The following GRK3 variants were observed in gnomAD, a reference collection of about 807,000 sequenced individuals.
The protein encoded by GRK3 is G protein-coupled receptor kinase 3, also known as adrenergic, beta, receptor kinase 2.
In GRK3, 54 loss-of-function variants were observed where a neutral mutation model predicts 95.7. The observed-to-expected ratio is 0.56, with a 90% CI of 0.45 to 0.71. GRK3 has a LOEUF of 0.71. Among genes scored for constraint, GRK3 ranks in the 30% least tolerant of loss-of-function variants. The probability of loss-of-function intolerance (pLI) is 0.00; values close to 1 mark genes in which losing one functional copy is unlikely to be tolerated. For missense variants in GRK3, 649 were observed against 851.2 expected, an observed-to-expected ratio of 0.76 and a Z score of 2.96; for synonymous variants, 281 against 290.8, an observed-to-expected ratio of 0.97 and a Z score of 0.34.
rs780788559 is a variant in GRK3, at chr22:25,722,403, G to A, written c.2020G>A (p.Glu674Lys). ...CAACAAACCTCGGTCAGGTACTGTG[G>A]AGCTCCCAAAGCCATCCCTCTGTCA... Reference protein sequence around the residue: ...FLNKPRSGTVELPKPSLCHRN... With the variant: ...FLNKPRSGTVKLPKPSLCHRN... The change falls in exon 21 of 21, where the codon GAG becomes AAG. Residue 674 changes from glutamate (E) to lysine (K), a missense_variant. Physicochemically the swap from Glu to Lys is moderately conservative, Grantham distance 56. This residue lies in a region of GRK3 where 382 missense variants were observed against 493.8 expected (regional missense o/e 0.77). Coordinates refer to ENST00000324198, the MANE Select transcript of GRK3 (RefSeq NM_005160.4). 3 of 1,614,040 alleles carry A rather than the reference G, an allele frequency of 1.9e-6. No homozygotes were observed. The African/African-American group carries it at 4.0e-5, about 22-fold the overall frequency.
At chr22:25,649,692 T>A (rs369496635) in intron 3 of GRK3, among the ~76,000 whole-genome samples, 6 of 152,244 alleles carry the variant, frequency 3.9e-5, no homozygotes, top group East Asian at 3.8e-4. Flanking sequence ...AACTTTCTTA[T>A]ATTTATTATT....
At chr22:25,584,593 A>G (rs1293693721) in intron 1 of GRK3, among the ~76,000 whole-genome samples, 1 of 152,274 alleles carries the variant, frequency 6.6e-6, no homozygotes, top group East Asian at 1.9e-4. Context: ...TCTAAGAAGT[A>G]AGAATGTTCT....
At chr22:25,570,106 T>C (rs1718166351) in intron 1 of GRK3, among the ~76,000 whole-genome samples, 1 of 152,216 alleles carries the variant, frequency 6.6e-6, no homozygotes, top group South Asian at 2.1e-4. Context: ...AAAAATCCTT[T>C]TTCGTACTCT....
intron 2 of GRK3, among the ~76,000 whole-genome samples, chr22:25,611,846 T>C (rs2084499804): frequency 6.7e-6 from 1 of 148,660 alleles, no homozygotes; most frequent in Admixed American, 6.7e-5. Flanking sequence ...TTTTTTTTTT[T>C]TTTTGAGATG....
rs1248733195 is a variant in GRK3 at position 25,726,294 on chromosome 22, G to A, written c.*3844G>A. On this transcript the variant is annotated 3_prime_UTR_variant, in exon 21 of 21. Transcript: ENST00000324198. ...TGGAATTGATTTTTCTAATGTTTCA[G>A]AATTTTAACATATCAAGAAGAAAAC... 1 of 152,164 alleles carries A rather than the reference G, an allele frequency of 6.6e-6. No individual in the cohort carries two copies. The allele number at this position is 152,164 out of a possible 1,614,324, so 9.4% of individuals were successfully genotyped here.
intron 12 of GRK3, among the ~76,000 whole-genome samples, chr22:25,692,520 C>T (rs1458313450): frequency 6.6e-6 from 1 of 152,228 alleles, no homozygotes; most frequent in East Asian, 1.9e-4. Flanking sequence ...ACAGAGCTGA[C>T]CTCAGACCTC....
chr22:25,572,093 T>C (rs1160454746), intron 1 of GRK3, among the ~76,000 whole-genome samples: 6 of 149,396 alleles, frequency 4.0e-5, no homozygotes, highest in African/African-American at 1.5e-4. Context: ...CACCTATGAG[T>C]GAGAACATGT....
chr22:25,643,407 T>C (rs2084757669), intron 2 of GRK3, among the ~76,000 whole-genome samples: 1 of 152,242 alleles, frequency 6.6e-6, no homozygotes, highest in Admixed American at 6.5e-5. Flanking sequence ...GGGGAATTTA[T>C]GGATCAGTTA....
At chr22:25,710,163 C>G (rs1407402869) in intron 16 of GRK3, among the ~76,000 whole-genome samples, 199 bp downstream of exon 16, 1 of 152,152 alleles carries the variant, frequency 6.6e-6, no homozygotes, top group East Asian at 1.9e-4. Context: ...GTAGCCAGTT[C>G]CCTTTGGGGC....
At chr22:25,705,925 AC>A (rs1168248350) in intron 15 of GRK3, among the ~76,000 whole-genome samples, 18 of 152,148 alleles carry the variant, frequency 1.2e-4, no homozygotes, top group Non-Finnish European at 2.9e-5. Flanking sequence ...GAGCTAGGTT[AC>A]CACTCGCGAT....
intron 1 of GRK3, among the ~76,000 whole-genome samples, chr22:25,578,249 G>A (rs1931977127): frequency 6.6e-6 from 1 of 152,100 alleles, no homozygotes; most frequent in East Asian, 1.9e-4. Context: ...GACTCCAGGT[G>A]TGGGTGAGAT....
intron 2 of GRK3, among the ~76,000 whole-genome samples, chr22:25,643,386 G>A (rs2084757436): frequency 6.6e-6 from 1 of 152,146 alleles, no homozygotes; most frequent in Non-Finnish European, 1.5e-5. Context: ...GCCACGTTCC[G>A]GGAACTATGA....
chr22:25,659,815 G>T (rs769124026), intron 3 of GRK3, among the ~76,000 whole-genome samples: 167 of 152,268 alleles, frequency 1.1e-3, no homozygotes, highest in Non-Finnish European at 9.3e-4. Context: ...AAGGCACAAG[G>T]CTCTTAGTCA....
At position 25,604,398 on chromosome 22, in the gene GRK3, G is replaced by A. The variant is rs56366226; in HGVS notation, c.135G>A (p.Lys45=). Residue 45 remains lysine, a synonymous_variant, in exon 2 of 21, where the codon AAG becomes AAA. Transcript: ENST00000324198. ...PEPSIRSVMQ[K]YLAERNEITF... ...CCAGTATCCGGAGTGTGATGCAGAA[G>A]TACCTTGCAGAGAGAAATGAAATAA... The A allele has an allele frequency of 3.0e-5, 48 of 1,612,232 alleles. No individual in the cohort carries two copies. The highest frequency in any genetic ancestry group is 4.1e-5 in the Non-Finnish European group (48 of 1,179,264).
intron 1 of GRK3, chr22:25,580,287 G>C (rs1932053298): frequency 6.6e-6 from 1 of 152,138 alleles, no homozygotes; most frequent in Non-Finnish European, 1.5e-5. Flanking sequence ...AGAGATTTAA[G>C]AGATGGCGCT....
chr22:25,675,522 T>G (rs543610335), intron 8 of GRK3, among the ~76,000 whole-genome samples: 36 of 152,042 alleles, frequency 2.4e-4, no homozygotes, highest in Non-Finnish European at 4.6e-4. Flanking sequence ...TGGAAAAATA[T>G]GATTTGATAG....
intron 6 of GRK3, among the ~76,000 whole-genome samples, chr22:25,669,525 C>T (rs1300490518): frequency 6.6e-6 from 1 of 152,210 alleles, no homozygotes; most frequent in Non-Finnish European, 1.5e-5. Flanking sequence ...GATCTTCTCT[C>T]CAAGATCCTT....
intron 1 of GRK3, among the ~76,000 whole-genome samples, chr22:25,593,579 T>C (rs1354172050): frequency 6.6e-6 from 1 of 152,162 alleles, no homozygotes; most frequent in African/African-American, 2.4e-5. Context: ...AAGTTCCTTA[T>C]AGAATCTGGA....
intron 3 of GRK3, chr22:25,649,251 T>A: frequency 1.8e-6 from 2 of 1,138,898 alleles, no homozygotes; most frequent in Non-Finnish European, 2.7e-6. Flanking sequence ...GTAGCCTATT[T>A]TATATGCTCA....
Sources: allele counts gnomAD v4.1 joint callset (sites outside exome capture counted in the v4.1 genomes callset), GRCh38; gene constraint gnomAD v4.1.1; regional missense constraint gnomAD v4.1.1; transcripts MANE v1.5; gene names NCBI Gene and HGNC (gene_info 2026-07-23, HGNC 2026-07-21).